MGST1: variants seen among roughly 807,000 people sequenced by gnomAD.
MGST1 encodes the protein microsomal glutathione S-transferase 1, also known as glutathione S-transferase 12.
In MGST1, 5 loss-of-function variants were observed where a neutral mutation model predicts 8.9. The ratio of observed to expected loss-of-function variants is 0.56; its 90% CI spans 0.29 to 1.19. The LOEUF is 1.19. MGST1 is among the 50% of genes most tolerant of loss of function. The probability of loss-of-function intolerance (pLI) is 0.08; values close to 1 mark genes in which losing one functional copy is unlikely to be tolerated. For synonymous variants in MGST1, 54 were observed against 67.8 expected (o/e 0.80, Z 1.00); for missense variants, 182 against 187.4 (o/e 0.97, Z 0.17).
chr12:16,395,204 T>A (rs909770007), intron 1 of MGST1, among the ~76,000 whole-genome samples: 12 of 152,014 alleles, frequency 7.9e-5, no homozygotes, highest in Non-Finnish European at 1.5e-4. Flanking sequence ...TTTTTATATA[T>A]ATATTAGAAG....
At chr12:16,476,910 C>G (rs1412723818) in intron 4 of MGST1, among the ~76,000 whole-genome samples, 1 of 152,152 alleles carries the variant, frequency 6.6e-6, no homozygotes, top group Non-Finnish European at 1.5e-5. Flanking sequence ...AGATTTGGCC[C>G]TGAAGTCAGG....
chr12:16,435,189 A>T (rs1162655756), intron 1 of MGST1, among the ~76,000 whole-genome samples: 3 of 151,982 alleles, frequency 2.0e-5, no homozygotes, highest in Non-Finnish European at 4.4e-5. Flanking sequence ...GTTTATTCTT[A>T]ATTTTATTTT....
rs554462900 is a variant in MGST1 at position 16,405,832 on chromosome 12, C to T, written n.778+22228C>T. 8.5e-5 allele frequency among the ~76,000 whole-genome samples: 13 copies of T among 152,216 alleles called. No individual in the cohort carries two copies. In the East Asian group the frequency reaches 2.1e-3, roughly 25 times the overall value. ...AAAACAGTAAGATCGTCTAAATAGA[C>T]ATAGAAAAGGCTTTTGATAAAATTC... is the stretch of plus-strand genomic sequence containing the variant. On this transcript the variant is annotated intron_variant and non_coding_transcript_variant, in intron 1 of 1. Coordinates refer to the MGST1 transcript ENST00000359720.
In MGST1 at chr12:16,559,725, A is replaced by AG. The variant is rs1942318767; in HGVS notation, n.483-29801dup. ...CTGCACTTTGGGAGGTGGAGGTGGG[A>AG]GGATTGCTTGAGGCCAGGAGTTTGA... is the stretch of plus-strand genomic sequence containing the variant. On this transcript the variant is annotated intron_variant and non_coding_transcript_variant, in intron 4 of 4. Coordinates refer to the MGST1 transcript ENST00000538857. The surrounding 1 kb of genome is among the most constrained non-coding windows in gnomAD (Gnocchi z 4.1). Among the ~76,000 whole-genome samples, 1 of 151,660 alleles carries AG rather than the reference A, an allele frequency of 6.6e-6. No individual in the cohort carries two copies. Among genetic ancestry groups the AG allele is most frequent in the Admixed American group, 6.6e-5 (1 of 15,220 alleles).
At chr12:16,562,123 C>T (rs1160281143) in intron 4 of MGST1, among the ~76,000 whole-genome samples, 1 of 152,070 alleles carries the variant, frequency 6.6e-6, no homozygotes, top group Non-Finnish European at 1.5e-5. Flanking sequence ...TAATTTCCTA[C>T]TGGCATCATC....
intron 4 of MGST1, among the ~76,000 whole-genome samples, chr12:16,481,868 A>C (rs891201770): frequency 6.6e-6 from 1 of 152,196 alleles, no homozygotes; most frequent in South Asian, 2.1e-4. Context: ...AATTGAAGAA[A>C]GTCCTCAAGC....
chr12:16,360,051 G>A (rs140060917), intron 3 of MGST1, among the ~76,000 whole-genome samples: 37 of 152,328 alleles, frequency 2.4e-4, no homozygotes, highest in Middle Eastern at 3.4e-3. Context: ...AGTCCTGGAG[G>A]AGGTGCAGCG....
chr12:16,401,461 T>C lies in MGST1; in HGVS notation n.778+17857T>C, dbSNP rs1459674225. 7.2e-6 allele frequency: 6 copies of C among 836,942 alleles called. No homozygotes were observed. The highest frequency in any genetic ancestry group is 2.8e-5 in the South Asian group (2 of 72,148). 51.8% of individuals were successfully genotyped at this position (836,942 alleles called of 1,614,324 possible). A position where few individuals can be genotyped will look rare whatever the true frequency, so the allele number is the denominator to read the frequency against. On this transcript the variant is annotated intron_variant and non_coding_transcript_variant, in intron 1 of 1. Transcript: ENST00000359720. This position sits in a 1 kb window ranked among gnomAD's most constrained non-coding sequence, Gnocchi z 4.3. ...GACAGCATTATATACATCACATATC[T>C]TCACACCATGTCTTAATTCCTTCAG... is the stretch of plus-strand genomic sequence containing the variant.
rs1237883799 is a variant in MGST1, at chr12:16,555,464, T to C, written n.483-34064T>C. 6.6e-6 allele frequency among the ~76,000 whole-genome samples: 1 copy of C among 152,270 alleles called. No homozygotes were observed. Among genetic ancestry groups the C allele is most frequent in the African/African-American group, 2.4e-5 (1 of 41,470 alleles). ...CGAGTTATATTTCTTTTGAACCCTTTGCAGAACCATCATAAACTGTACTAC... is the reference window on the plus strand; with the variant it reads ...CGAGTTATATTTCTTTTGAACCCTTCGCAGAACCATCATAAACTGTACTAC... On this transcript the variant is annotated intron_variant and non_coding_transcript_variant, in intron 4 of 4. Transcript: ENST00000538857. This position sits in a 1 kb window ranked among gnomAD's most constrained non-coding sequence, Gnocchi z 5.5.
chr12:16,446,701 C>G (rs73318756), intron 4 of MGST1, among the ~76,000 whole-genome samples: 2,412 of 151,886 alleles, frequency 0.016, 74 homozygotes, highest in African/African-American at 0.055. Context: ...GTGACAGCCC[C>G]TCCTATCATC....
At chr12:16,581,003 T>TA (rs1943141576) in intron 4 of MGST1, among the ~76,000 whole-genome samples, 1 of 152,360 alleles carries the variant, frequency 6.6e-6, no homozygotes, top group East Asian at 1.9e-4. Context: ...TTATAACTAA[T>TA]GTTTTGATGA....
At chr12:16,591,080 A>C (rs1358693846), downstream of MGST1, among the ~76,000 whole-genome samples, 1 of 152,042 alleles carries the variant, frequency 6.6e-6, no homozygotes, top group African/African-American at 2.4e-5. The surrounding 1 kb of genome is among the most constrained non-coding windows in gnomAD (Gnocchi z 4.1). Context: ...AAGTATTATC[A>C]CTTTTCTAGG....
At chr12:16,402,364 G>T in intron 1 of MGST1, 1 of 1,603,388 alleles carries the variant, frequency 6.2e-7, no homozygotes, top group East Asian at 2.2e-5. Flanking sequence ...TCTGCCAATT[G>T]CTGTACAGTC....
intron 4 of MGST1, among the ~76,000 whole-genome samples, chr12:16,514,720 C>G (rs1183267240): frequency 1.3e-5 from 2 of 152,228 alleles, no homozygotes; most frequent in African/African-American, 4.8e-5. Context: ...TCAGCCTCTG[C>G]TACTGGGAGC....
intron 4 of MGST1, among the ~76,000 whole-genome samples, chr12:16,462,510 A>C (rs1941228135): frequency 6.6e-6 from 1 of 151,466 alleles, no homozygotes; most frequent in Non-Finnish European, 1.5e-5. Flanking sequence ...AGAATGTATA[A>C]ATGCATTAAT....
intron 4 of MGST1, among the ~76,000 whole-genome samples, chr12:16,512,975 A>G (rs1010488946): frequency 6.6e-6 from 1 of 152,204 alleles, no homozygotes. Context: ...GTAACTAGAT[A>G]TATCCCCAAC....
rs561021762 is a variant in MGST1 at position 16,389,861 on chromosome 12, C to T, written n.778+6257C>T. Among the ~76,000 whole-genome samples the T allele has an allele frequency of 1.7e-4, 26 of 152,166 alleles. No individual in the cohort carries two copies. Among genetic ancestry groups the T allele is most frequent in the South Asian group, 1.7e-3 (8 of 4,804 alleles). ...AGAGCCAGAAGCACTGGATCAGGTG[C>T]TCCCAAGGGGAAGTTGTAATGAAGA... On this transcript the variant is annotated intron_variant and non_coding_transcript_variant, in intron 1 of 1. Transcript: ENST00000359720. This position sits in a 1 kb window ranked among gnomAD's most constrained non-coding sequence, Gnocchi z 4.6.
chr12:16,466,835 A>G (rs1484468199), intron 4 of MGST1, among the ~76,000 whole-genome samples: 6 of 152,120 alleles, frequency 3.9e-5, no homozygotes, highest in Non-Finnish European at 7.3e-5. Context: ...GAACACTTTG[A>G]AATTTCCTCT....
At chr12:16,541,767 C>T (rs565785354) in intron 4 of MGST1, among the ~76,000 whole-genome samples, 3 of 152,010 alleles carry the variant, frequency 2.0e-5, no homozygotes, top group Non-Finnish European at 4.4e-5. Flanking sequence ...TTATAATGGA[C>T]TCTGCAAAAT....
Sources: gnomAD v4.1 joint callset for allele counts (sites outside exome capture counted in the v4.1 genomes callset) on GRCh38, gnomAD v4.1.1 for gene constraint, Gnocchi (gnomAD v3.1) non-coding constraint, MANE v1.5 for transcripts, NCBI Gene and HGNC (gene_info 2026-07-23, HGNC 2026-07-21) for gene names.